CFAP45: variants seen among roughly 807,000 people sequenced by gnomAD.
CFAP45 encodes the protein cilia and flagella associated protein 45.
In CFAP45, 43 loss-of-function variants were observed where a neutral mutation model predicts 75.6. The observed-to-expected ratio is 0.57, with a 90% CI of 0.45 to 0.73. CFAP45 has a LOEUF of 0.73. CFAP45 is among the 30% of genes least tolerant of loss of function. The pLI is 0.00. For missense variants in CFAP45, 689 were observed against 701.5 expected, an observed-to-expected ratio of 0.98 and a Z score of 0.20; for synonymous variants, 223 against 244.6, an observed-to-expected ratio of 0.91 and a Z score of 0.82.
intron 3 of CFAP45, among the ~76,000 whole-genome samples, chr1:159,889,602 C>T (rs4656856): frequency 0.31 from 46,743 of 152,198 alleles, 8,928 homozygotes; most frequent in Admixed American, 0.41. Context: ...TGTCCTCCAA[C>T]GTGTTTTCAG....
At position 159,872,572 on chromosome 1, in the gene CFAP45, G is replaced by T. The variant is rs181348306; in HGVS notation, c.1578-9C>A. The T allele has an allele frequency of 1.9e-4, 305 of 1,612,946 alleles. No individual in the cohort carries two copies. The Middle Eastern group carries it at 3.3e-3, about 17-fold the overall frequency. ...CGGGAAGGCCAGTGGCTCTGCCGGGGAAACGCAGGCAGGTATAAGGAAAGG... is the reference window on the plus strand; with the variant it reads ...CGGGAAGGCCAGTGGCTCTGCCGGGTAAACGCAGGCAGGTATAAGGAAAGG... On this transcript the variant is annotated splice_polypyrimidine_tract_variant and intron_variant, in intron 11 of 11. Transcript: ENST00000368099.
chr1:159,896,083 G>A (rs969775201), intron 1 of CFAP45, among the ~76,000 whole-genome samples: 2 of 152,188 alleles, frequency 1.3e-5, no homozygotes, highest in African/African-American at 4.8e-5. Context: ...GGATAATAAC[G>A]TATGTGAAAG....
chr1:159,883,775 A>C (rs1414497837), intron 7 of CFAP45, among the ~76,000 whole-genome samples: 1 of 152,052 alleles, frequency 6.6e-6, no homozygotes, highest in African/African-American at 2.4e-5. Context: ...AAAATTTTTC[A>C]AAATAAAAAA....
At chr1:159,889,548 C>T (rs1649778338) in intron 3 of CFAP45, among the ~76,000 whole-genome samples, 2 of 152,194 alleles carry the variant, frequency 1.3e-5, no homozygotes, top group Non-Finnish European at 2.9e-5. Flanking sequence ...TCTAAGACAG[C>T]AGTTTATACT....
At chr1:159,873,587 C>A (rs1649329817) in intron 10 of CFAP45, among the ~76,000 whole-genome samples, 2 of 152,224 alleles carry the variant, frequency 1.3e-5, no homozygotes, top group Non-Finnish European at 2.9e-5. Context: ...TCTCCCACCT[C>A]AGCCTCCCGA....
intron 2 of CFAP45, 64 bp downstream of exon 2, chr1:159,893,116 G>A: frequency 6.3e-7 from 1 of 1,591,408 alleles, no homozygotes; most frequent in East Asian, 2.3e-5. Flanking sequence ...GCTTTGCCCT[G>A]AGCTACATTT....
At chr1:159,873,235 G>A in intron 10 of CFAP45, 67 bp from the exon 11 acceptor site, 4 of 1,397,452 alleles carry the variant, frequency 2.9e-6, no homozygotes, top group Non-Finnish European at 4.0e-6. Context: ...AGGTGGTGGG[G>A]GAGCCTCCTG....
chr1:159,883,582 T>C (rs1372782620), intron 7 of CFAP45, among the ~76,000 whole-genome samples: 1 of 151,048 alleles, frequency 6.6e-6, no homozygotes, highest in Non-Finnish European at 1.5e-5. Flanking sequence ...TGGCAGAGTG[T>C]CAAGATATCT....
intron 2 of CFAP45, 130 bp from the exon 3 acceptor site, chr1:159,890,752 C>CTT: frequency 6.6e-5 from 25 of 377,420 alleles, no homozygotes; most frequent in South Asian, 3.6e-4. Context: ...ACCAGCTTTT[C>CTT]TTTTCTTTTT....
At chr1:159,894,195 C>T (rs561357969) in intron 1 of CFAP45, among the ~76,000 whole-genome samples, 2 of 152,180 alleles carry the variant, frequency 1.3e-5, no homozygotes, top group South Asian at 2.1e-4. Context: ...AAGGCCAAGT[C>T]GGCCACATAG....
intron 1 of CFAP45, among the ~76,000 whole-genome samples, chr1:159,896,702 G>T (rs1649959439): frequency 6.6e-6 from 1 of 152,184 alleles, no homozygotes; most frequent in African/African-American, 2.4e-5. Flanking sequence ...CAGCTGAGAA[G>T]GCAGGGGGTC....
intron 2 of CFAP45, among the ~76,000 whole-genome samples, chr1:159,892,518 CTCTT>C (rs1029424199): frequency 6.6e-6 from 1 of 152,146 alleles, no homozygotes; most frequent in African/African-American, 2.4e-5. Context: ...ACTAGTGTCT[CTCTT>C]TCTCTTTTCC....
chr1:159,878,311 TTA>T (rs1649455855), intron 8 of CFAP45, among the ~76,000 whole-genome samples: 1 of 152,202 alleles, frequency 6.6e-6, no homozygotes, highest in Non-Finnish European at 1.5e-5. Flanking sequence ...TACCAGATAC[TTA>T]AAGAATGAAC....
intron 3 of CFAP45, among the ~76,000 whole-genome samples, chr1:159,888,822 T>C (rs1204087383): frequency 2.1e-5 from 3 of 143,388 alleles, no homozygotes; most frequent in African/African-American, 7.7e-5. Context: ...GATCACCTCC[T>C]CCTCTGAGCC....
intron 2 of CFAP45, among the ~76,000 whole-genome samples, chr1:159,890,890 C>G (rs897830847): frequency 6.6e-6 from 1 of 151,352 alleles, no homozygotes; most frequent in East Asian, 2.0e-4. Flanking sequence ...TCCTGAGTAG[C>G]TGGGATTACA....
At chr1:159,881,550 C>A (rs1649550392) in intron 7 of CFAP45, among the ~76,000 whole-genome samples, 1 of 152,130 alleles carries the variant, frequency 6.6e-6, no homozygotes, top group South Asian at 2.1e-4. Flanking sequence ...CAACATGTAG[C>A]CCAATGCAAG....
At chr1:159,892,379 G>A (rs907263660) in intron 2 of CFAP45, among the ~76,000 whole-genome samples, 1 of 152,106 alleles carries the variant, frequency 6.6e-6, no homozygotes, top group Non-Finnish European at 1.5e-5. Context: ...TCTTCTAAAT[G>A]GATTAAGAAG....
chr1:159,873,501 T>C, intron 10 of CFAP45: 1 of 319,594 alleles, frequency 3.1e-6, no homozygotes, highest in Non-Finnish European at 5.9e-6. Flanking sequence ...CACACTCTCT[T>C]GCTCTGTCAC....
chr1:159,898,166 G>T (rs1649994127), intron 1 of CFAP45: 1 of 984,806 alleles, frequency 1.0e-6, no homozygotes, highest in Non-Finnish European at 1.2e-6. Flanking sequence ...TGTAGACTTT[G>T]GTTACCAAGA....
Sources: allele counts gnomAD v4.1 joint callset (sites outside exome capture counted in the v4.1 genomes callset), GRCh38; gene constraint gnomAD v4.1.1; transcripts MANE v1.5; gene names NCBI Gene and HGNC (gene_info 2026-07-23, HGNC 2026-07-21).